RAPGEF6: variants seen among roughly 807,000 people sequenced by gnomAD.
RAPGEF6 encodes the protein Rap guanine nucleotide exchange factor 6.
A neutral mutation model predicts 171.4 loss-of-function variants in RAPGEF6; 56 were observed. The observed-to-expected ratio is 0.33, with a 90% CI of 0.26 to 0.41. The LOEUF (loss-of-function observed/expected upper bound fraction) is 0.41. RAPGEF6 is among the 10% of genes least tolerant of loss of function. The probability of loss-of-function intolerance (pLI) is 1.00; values close to 1 mark genes in which losing one functional copy is unlikely to be tolerated. For missense variants in RAPGEF6, 1,674 were observed against 1,921.4 expected (o/e 0.87, Z 2.41); for synonymous variants, 692 against 650.1 (o/e 1.06, Z -0.98).
intron 14 of RAPGEF6, among the ~76,000 whole-genome samples, chr5:131,492,261 C>T (rs1283437804): frequency 5.3e-5 from 8 of 152,064 alleles, no homozygotes; most frequent in East Asian, 1.9e-4. Flanking sequence ...ATATATTGAT[C>T]GTTCTGGAGT....
chr5:131,493,461 T>A (rs949656880), intron 13 of RAPGEF6, among the ~76,000 whole-genome samples: 1 of 152,226 alleles, frequency 6.6e-6, no homozygotes, highest in African/African-American at 2.4e-5. Flanking sequence ...AAAACCTTTA[T>A]TCAAAACCTT....
At chr5:131,600,335 A>C (rs1422666090) in intron 3 of RAPGEF6, among the ~76,000 whole-genome samples, 1 of 152,118 alleles carries the variant, frequency 6.6e-6, no homozygotes, top group Non-Finnish European at 1.5e-5. Context: ...CAGCCTGGCC[A>C]ATGTGGTGAA....
intron 4 of RAPGEF6, among the ~76,000 whole-genome samples, chr5:131,591,653 A>C (rs1181349298): frequency 1.3e-5 from 2 of 152,188 alleles, no homozygotes; most frequent in African/African-American, 4.8e-5. Flanking sequence ...ACAATACTTA[A>C]GTAGGTACCA....
chr5:131,616,179 G>T (rs1765250719), intron 1 of RAPGEF6, among the ~76,000 whole-genome samples: 1 of 152,150 alleles, frequency 6.6e-6, no homozygotes, highest in South Asian at 2.1e-4. Flanking sequence ...CACCCTCTCA[G>T]CCAGTAGTTT....
chr5:131,547,667 A>G (rs1218843574), intron 6 of RAPGEF6, among the ~76,000 whole-genome samples: 1 of 151,422 alleles, frequency 6.6e-6, no homozygotes, highest in Admixed American at 6.6e-5. Flanking sequence ...GCACTACCAC[A>G]CCTGGCTAAT....
intron 1 of RAPGEF6, among the ~76,000 whole-genome samples, chr5:131,622,380 G>C (rs1765643110): frequency 6.6e-6 from 1 of 152,160 alleles, no homozygotes; most frequent in South Asian, 2.1e-4. Flanking sequence ...TCTTTGCAAG[G>C]GACAGACTGA....
At chr5:131,531,005 C>T (rs2149924615) in intron 6 of RAPGEF6, among the ~76,000 whole-genome samples, 1 of 152,296 alleles carries the variant, frequency 6.6e-6, no homozygotes, top group Non-Finnish European at 1.5e-5. Flanking sequence ...AGCACAAATA[C>T]ATTGTGTACC....
At chr5:131,606,714 T>C (rs893431327) in intron 1 of RAPGEF6, among the ~76,000 whole-genome samples, 7 of 152,164 alleles carry the variant, frequency 4.6e-5, no homozygotes, top group African/African-American at 1.7e-4. Flanking sequence ...CTGTGACTTG[T>C]TCTGACCAAA....
At chr5:131,445,156 G>A (rs1752602690) in intron 22 of RAPGEF6, among the ~76,000 whole-genome samples, 1 of 152,084 alleles carries the variant, frequency 6.6e-6, no homozygotes, top group African/African-American at 2.4e-5. Flanking sequence ...CTCAAATTCT[G>A]CCTCTATCCT....
rs1362549204 is a variant in RAPGEF6 at position 131,427,210 on chromosome 5, G to T, written c.*56C>A. On this transcript the variant is annotated 3_prime_UTR_variant, in exon 28 of 28. Transcript: ENST00000509018. ...GCAATGGCCTGCAGAATCATGAGGT[G>T]GTTCTTGCCCATTCCTCCACGACTT... 3.0e-5 allele frequency: 46 copies of T among 1,514,082 alleles called. No individual in the cohort carries two copies. Among genetic ancestry groups the T allele is most frequent in the Non-Finnish European group, 4.1e-5 (45 of 1,089,336 alleles). 93.8% of individuals were successfully genotyped at this position (1,514,082 alleles called of 1,614,324 possible).
At chr5:131,571,783 T>C (rs188773484) in intron 4 of RAPGEF6, among the ~76,000 whole-genome samples, 7 of 152,294 alleles carry the variant, frequency 4.6e-5, no homozygotes, top group Non-Finnish European at 1.5e-5. Context: ...TTTTACGAAG[T>C]TGGAGGATCC....
chr5:131,509,456 T>C (rs1285515844), intron 8 of RAPGEF6, among the ~76,000 whole-genome samples: 2 of 151,618 alleles, frequency 1.3e-5, no homozygotes, highest in Non-Finnish European at 2.9e-5. Context: ...GGCAGGAGAA[T>C]GGCGTGAACC....
chr5:131,528,313 T>TTATATATATATATATATA (rs71590767), intron 6 of RAPGEF6, among the ~76,000 whole-genome samples: 2 of 48,832 alleles, frequency 4.1e-5, no homozygotes, highest in African/African-American at 1.4e-4. Flanking sequence ...TATATTTATA[T>TTATATATATATATATATA]TATATATATA....
intron 20 of RAPGEF6, among the ~76,000 whole-genome samples, chr5:131,454,814 G>T (rs1373854409): frequency 6.6e-6 from 1 of 151,950 alleles, no homozygotes; most frequent in Non-Finnish European, 1.5e-5. Context: ...AAGAAATTAA[G>T]AAAAAACAAA....
intron 17 of RAPGEF6, among the ~76,000 whole-genome samples, chr5:131,468,041 C>A (rs1561487744): frequency 6.7e-6 from 1 of 148,422 alleles, no homozygotes; most frequent in South Asian, 2.1e-4. Context: ...AAAAAAAAAT[C>A]TTGGGGTCGG....
chr5:131,580,083 G>T (rs1246657882), intron 4 of RAPGEF6, among the ~76,000 whole-genome samples: 1 of 151,916 alleles, frequency 6.6e-6, no homozygotes, highest in Non-Finnish European at 1.5e-5. Context: ...CCGCAGAGCA[G>T]GGGGTGGCAC....
chr5:131,534,046 A>C (rs1759588856), intron 6 of RAPGEF6, among the ~76,000 whole-genome samples: 6 of 152,106 alleles, frequency 3.9e-5, no homozygotes, highest in Admixed American at 3.3e-4. Flanking sequence ...TCCCAATAGT[A>C]AAATATAGTT....
intron 24 of RAPGEF6, 46 bp from the exon 25 acceptor site, chr5:131,433,704 T>A: frequency 7.1e-7 from 1 of 1,403,970 alleles, no homozygotes; most frequent in Non-Finnish European, 1.0e-6. Context: ...AAAGGGAACA[T>A]ATGGTGGGGG....
chr5:131,462,431 G>A (rs1198093364), intron 18 of RAPGEF6, among the ~76,000 whole-genome samples: 1 of 152,178 alleles, frequency 6.6e-6, no homozygotes, highest in Non-Finnish European at 1.5e-5. Context: ...TTGGTACTAT[G>A]TAAATATTTG....
Sources: allele counts gnomAD v4.1 joint callset (sites outside exome capture counted in the v4.1 genomes callset), GRCh38; gene constraint gnomAD v4.1.1; transcripts MANE v1.5; gene names NCBI Gene and HGNC (gene_info 2026-07-23, HGNC 2026-07-21).